Variants in DOCK4 observed in about 807,000 individuals in gnomAD.
The protein encoded by DOCK4 is dedicator of cytokinesis 4, also known as dedicator of cytokinesis protein 4.
DOCK4 carries 97 observed loss-of-function variants against 268.1 expected under a neutral mutation model. The observed-to-expected ratio is 0.36, with a 90% CI of 0.31 to 0.43. The LOEUF (loss-of-function observed/expected upper bound fraction) is 0.43, where lower values mean the gene tolerates loss of function less well. DOCK4 is among the 20% of genes least tolerant of loss of function. The probability of loss-of-function intolerance (pLI) is 1.00; values close to 1 mark genes in which losing one functional copy is unlikely to be tolerated. For missense variants in DOCK4, 2,145 were observed against 2,455.7 expected (o/e 0.87, Z 2.67); for synonymous variants, 954 against 887.2 (o/e 1.08, Z -1.34).
chr7:111,828,890 A>G (rs200746307), intron 26 of DOCK4, among the ~76,000 whole-genome samples: 378 of 69,240 alleles, frequency 5.5e-3, no homozygotes, highest in African/African-American at 0.024. Flanking sequence ...GTGTGTGTGT[A>G]TATATATATA....
intron 16 of DOCK4, among the ~76,000 whole-genome samples, chr7:111,893,690 AT>A: frequency 6.6e-6 from 1 of 152,072 alleles, no homozygotes. Context: ...GCTTTAAAAT[AT>A]TTTTGTTTCT....
At chr7:112,137,222 G>T (rs1278411336) in intron 1 of DOCK4, among the ~76,000 whole-genome samples, 1 of 152,072 alleles carries the variant, frequency 6.6e-6, no homozygotes, top group South Asian at 2.1e-4. Flanking sequence ...GTTTTGGAAG[G>T]ATTCTAGAAG....
chr7:111,755,678 C>A, intron 41 of DOCK4, 77 bp from the exon 42 acceptor site: 1 of 1,320,570 alleles, frequency 7.6e-7, no homozygotes, highest in South Asian at 1.2e-5. Context: ...GTTTGTCGGT[C>A]ACTGTTACCA....
At chr7:112,122,889 C>G (rs1812868359) in intron 1 of DOCK4, among the ~76,000 whole-genome samples, 1 of 152,164 alleles carries the variant, frequency 6.6e-6, no homozygotes, top group African/African-American at 2.4e-5. Context: ...TAGTCAAGAA[C>G]AAGATCACTT....
intron 1 of DOCK4, among the ~76,000 whole-genome samples, chr7:112,075,031 T>C (rs1028348351): frequency 4.6e-5 from 7 of 152,306 alleles, no homozygotes; most frequent in African/African-American, 1.7e-4. Context: ...TAACAATTCT[T>C]TATATTGATG....
chr7:111,899,065 AC>A (rs2134404107), intron 15 of DOCK4, among the ~76,000 whole-genome samples: 1 of 152,314 alleles, frequency 6.6e-6, no homozygotes, highest in African/African-American at 2.4e-5. Context: ...ATGTTTTCCT[AC>A]TTCAAGTCCT....
chr7:111,903,023 TAAA>T (rs1185125957), intron 13 of DOCK4, among the ~76,000 whole-genome samples: 1 of 152,144 alleles, frequency 6.6e-6, no homozygotes, highest in African/African-American at 2.4e-5. Flanking sequence ...TGTTTTCTAA[TAAA>T]AAATTTCCCC....
intron 23 of DOCK4, among the ~76,000 whole-genome samples, chr7:111,855,675 G>A (rs1804942254): frequency 6.6e-6 from 1 of 152,108 alleles, no homozygotes; most frequent in Non-Finnish European, 1.5e-5. Context: ...CCCAAGATTT[G>A]CTCAGATTTC....
intron 1 of DOCK4, among the ~76,000 whole-genome samples, chr7:112,139,204 C>T (rs1428069): frequency 6.6e-6 from 1 of 151,998 alleles, no homozygotes; most frequent in Non-Finnish European, 1.5e-5. Context: ...CAGGGCCTCT[C>T]AGATCTAGGA....
chr7:111,850,916 G>A (rs897194641), intron 23 of DOCK4, among the ~76,000 whole-genome samples: 4 of 152,048 alleles, frequency 2.6e-5, no homozygotes, highest in East Asian at 1.9e-4. Flanking sequence ...CTCTTCACAC[G>A]GACGCGTGTA....
At chr7:111,743,068 G>A (rs1231120413) in intron 44 of DOCK4, among the ~76,000 whole-genome samples, 3 of 152,046 alleles carry the variant, frequency 2.0e-5, no homozygotes, top group Non-Finnish European at 4.4e-5. Flanking sequence ...CAACGAGAGA[G>A]CAGGTCCTAC....
intron 31 of DOCK4, among the ~76,000 whole-genome samples, chr7:111,789,917 A>C (rs1270474764): frequency 6.6e-6 from 1 of 152,224 alleles, no homozygotes; most frequent in Non-Finnish European, 1.5e-5. Context: ...CTGTTTTCCC[A>C]AAACTGGAGT....
At chr7:111,838,807 G>C (rs1312496972) in intron 25 of DOCK4, among the ~76,000 whole-genome samples, 1 of 152,034 alleles carries the variant, frequency 6.6e-6, no homozygotes, top group Non-Finnish European at 1.5e-5. Flanking sequence ...ATGTTTCATA[G>C]GAATACACAT....
At chr7:111,749,219 C>T (rs1796474597) in intron 42 of DOCK4, among the ~76,000 whole-genome samples, 1 of 152,136 alleles carries the variant, frequency 6.6e-6, no homozygotes, top group African/African-American at 2.4e-5. Context: ...TTATTTGTAA[C>T]ACTAAACCTT....
intron 1 of DOCK4, among the ~76,000 whole-genome samples, chr7:112,126,009 T>C (rs2115995665): frequency 6.6e-6 from 1 of 152,238 alleles, no homozygotes; most frequent in Admixed American, 6.5e-5. Flanking sequence ...TCATATTGCC[T>C]AGGCTGATCT....
At chr7:111,943,626 A>G (rs1795375285) in intron 10 of DOCK4, among the ~76,000 whole-genome samples, 1 of 152,238 alleles carries the variant, frequency 6.6e-6, no homozygotes, top group Non-Finnish European at 1.5e-5. Flanking sequence ...AAACAGCAGC[A>G]TGGGTTCTAA....
chr7:112,182,493 A>T (rs1306091658), intron 1 of DOCK4, among the ~76,000 whole-genome samples: 1 of 152,196 alleles, frequency 6.6e-6, no homozygotes, highest in Non-Finnish European at 1.5e-5. Flanking sequence ...TTTCAGGAAG[A>T]AGAGTGGGAG....
chr7:112,133,367 C>A (rs1001235881), intron 1 of DOCK4, among the ~76,000 whole-genome samples: 1 of 152,188 alleles, frequency 6.6e-6, no homozygotes, highest in Admixed American at 6.5e-5. Context: ...AGCACACTTT[C>A]CTGCTTAATC....
intron 1 of DOCK4, among the ~76,000 whole-genome samples, chr7:112,185,284 T>A (rs1819407886): frequency 6.6e-6 from 1 of 152,306 alleles, no homozygotes; most frequent in South Asian, 2.1e-4. Flanking sequence ...CTATAAATTA[T>A]GTGGAGGATG....
Sources: allele counts gnomAD v4.1 joint callset (sites outside exome capture counted in the v4.1 genomes callset), GRCh38; gene constraint gnomAD v4.1.1; transcripts MANE v1.5; gene names NCBI Gene and HGNC (gene_info 2026-07-23, HGNC 2026-07-21).